Variants in C13orf46 observed in about 807,000 individuals in gnomAD.
C13orf46 encodes the protein chromosome 13 open reading frame 46, also known as uncharacterized protein C13orf46.
At chr13:113,966,381 T>C (rs1203878266) in intron 5 of C13orf46, among the ~76,000 whole-genome samples, 1 of 150,330 alleles carries the variant, frequency 6.7e-6, no homozygotes, top group East Asian at 2.0e-4. Flanking sequence ...GTGATGATGA[T>C]GATGGTGATG....
rs1449692510 is a variant in C13orf46 at position 113,954,119 on chromosome 13, CTGAG to C, written c.*2650_*2653del. On this transcript the variant is annotated 3_prime_UTR_variant, in exon 7 of 7. Coordinates refer to ENST00000636427, the MANE Select transcript of C13orf46 (RefSeq NM_001365455.2). Reference sequence around the variant, plus strand: ...CTGAAAAGGGCCCCTCCCTCCCTGGCTGAGTGATGGGCAGAGCTCACCCTCTGGG... The same window carrying C: ...CTGAAAAGGGCCCCTCCCTCCCTGGCTGATGGGCAGAGCTCACCCTCTGGG... 6.6e-6 allele frequency: 1 copy of C among 152,284 alleles called. No homozygotes were observed. Among genetic ancestry groups the C allele is most frequent in the African/African-American group, 2.4e-5 (1 of 41,452 alleles). The allele number at this position is 152,284 out of a possible 1,614,324, so 9.4% of individuals were successfully genotyped here. A position where few individuals can be genotyped will look rare whatever the true frequency, so the allele number is the denominator to read the frequency against.
At chr13:113,952,411 C>T (rs1171681439), downstream of C13orf46, among the ~76,000 whole-genome samples, 6 of 151,306 alleles carry the variant, frequency 4.0e-5, no homozygotes, top group Non-Finnish European at 7.4e-5. Context: ...GCTGTGTGGC[C>T]GCCGCTCCCG....
At chr13:113,933,624 CCATTT>C in the C13orf46 span, among the ~76,000 whole-genome samples, 1 of 152,080 alleles carries the variant, frequency 6.6e-6, no homozygotes, top group Admixed American at 6.5e-5. Flanking sequence ...TGCTATGGCT[CCATTT>C]ATTTAGGCCT....
At chr13:113,944,482 C>G in the C13orf46 span, among the ~76,000 whole-genome samples, 5 of 152,216 alleles carry the variant, frequency 3.3e-5, no homozygotes, top group Non-Finnish European at 5.9e-5. Flanking sequence ...GAAATGTTCC[C>G]CTTGCGGCCC....
chr13:113,964,863 G>C (rs1419805910), intron 6 of C13orf46, 64 bp downstream of exon 6: 4 of 152,264 alleles, frequency 2.6e-5, no homozygotes, highest in Non-Finnish European at 4.4e-5. Flanking sequence ...GGGCACACCA[G>C]AGACCGTGGT....
the C13orf46 span, among the ~76,000 whole-genome samples, chr13:113,942,656 C>T: frequency 3.9e-5 from 6 of 152,280 alleles, no homozygotes; most frequent in African/African-American, 9.6e-5. Context: ...AGAGCTGACG[C>T]GGGCACGGGC....
the C13orf46 span, among the ~76,000 whole-genome samples, chr13:113,934,623 T>C: frequency 6.6e-6 from 1 of 152,278 alleles, no homozygotes; most frequent in African/African-American, 2.4e-5. Context: ...TGAATCGAAC[T>C]GCCCTCCAAA....
chr13:113,949,339 C>T (rs1173201676), downstream of C13orf46, among the ~76,000 whole-genome samples: 2 of 152,174 alleles, frequency 1.3e-5, no homozygotes, highest in Non-Finnish European at 2.9e-5. Flanking sequence ...CCCAAATCTG[C>T]AGTTGTCAGG....
chr13:113,927,318 G>A, the C13orf46 span: 5 of 383,584 alleles, frequency 1.3e-5, no homozygotes, highest in South Asian at 2.9e-4. Context: ...CGCTGGGGAC[G>A]CTGCCACCAG....
chr13:113,928,061 T>C, the C13orf46 span: 1 of 159,660 alleles, frequency 6.3e-6, no homozygotes, highest in East Asian at 1.7e-4. Flanking sequence ...TGTTTTGAAA[T>C]GTTCAAGTAT....
chr13:113,948,271 C>T, the C13orf46 span, among the ~76,000 whole-genome samples: 5 of 152,234 alleles, frequency 3.3e-5, no homozygotes, highest in African/African-American at 7.2e-5. Context: ...GTCTGCCTGG[C>T]ACCTGCCTCC....
At chr13:113,927,165 G>A in the C13orf46 span, 2 of 189,724 alleles carry the variant, frequency 1.1e-5, no homozygotes, top group Non-Finnish European at 2.2e-5. Context: ...CCTGTGGGGG[G>A]AAGCATTGGC....
intron 6 of C13orf46, among the ~76,000 whole-genome samples, chr13:113,962,107 TAA>T (rs1244002425): frequency 6.6e-5 from 10 of 152,068 alleles, no homozygotes; most frequent in South Asian, 4.1e-4. Context: ...TCATGCTAAT[TAA>T]AAAAGAGATG....
At chr13:113,951,345 C>A (rs1025272402), downstream of C13orf46, among the ~76,000 whole-genome samples, 1 of 152,184 alleles carries the variant, frequency 6.6e-6, no homozygotes, top group Non-Finnish European at 1.5e-5. Flanking sequence ...GTCGTCCCTG[C>A]GGGCCGGGCT....
At chr13:113,958,811 C>T (rs1031059225) in intron 6 of C13orf46, among the ~76,000 whole-genome samples, 2 of 152,196 alleles carry the variant, frequency 1.3e-5, no homozygotes, top group East Asian at 3.9e-4. Flanking sequence ...TTGACCCCAG[C>T]ACAGGCCCTT....
the C13orf46 span, among the ~76,000 whole-genome samples, chr13:113,943,644 C>G: frequency 2.6e-5 from 4 of 152,346 alleles, no homozygotes; most frequent in East Asian, 7.7e-4. Flanking sequence ...TGGAAACCAC[C>G]TCTCGGGTTA....
At chr13:113,958,296 C>T (rs1002966502) in intron 6 of C13orf46, among the ~76,000 whole-genome samples, 2 of 152,208 alleles carry the variant, frequency 1.3e-5, no homozygotes, top group South Asian at 2.1e-4. Context: ...TTCATCAAGC[C>T]TTAGGGGCTG....
At chr13:113,935,951 C>T in the C13orf46 span, among the ~76,000 whole-genome samples, 1 of 152,246 alleles carries the variant, frequency 6.6e-6, no homozygotes, top group Non-Finnish European at 1.5e-5. Flanking sequence ...CACTGGATAT[C>T]ATTTTAAAAT....
chr13:113,927,229 G>A, the C13orf46 span: 1 of 274,470 alleles, frequency 3.6e-6, no homozygotes, highest in African/African-American at 2.2e-5. Context: ...TGGAGCCCTG[G>A]ACTCAGGGAG....
Sources: gnomAD v4.1 joint callset for allele counts (sites outside exome capture counted in the v4.1 genomes callset) on GRCh38, gnomAD v4.1.1 for gene constraint, MANE v1.5 for transcripts, NCBI Gene and HGNC (gene_info 2026-07-23, HGNC 2026-07-21) for gene names.